IL1RAP: variants seen among roughly 807,000 people sequenced by gnomAD.
The protein encoded by IL1RAP is interleukin 1 receptor accessory protein.
Under a neutral mutation model 60.7 loss-of-function variants are expected in IL1RAP, and 35 were observed. That is an observed-to-expected ratio of 0.58 (90% CI 0.44 to 0.76). IL1RAP has a LOEUF of 0.76. Ranked by LOEUF, IL1RAP falls within the 30% of genes least tolerant of loss-of-function variation. IL1RAP has a pLI of 0.00. For synonymous variants in IL1RAP, 268 were observed against 250.9 expected (o/e 1.07, Z -0.64); for missense variants, 572 against 693.9 (o/e 0.82, Z 1.97).
chr3:190,612,954 A>G (rs1183879134), intron 5 of IL1RAP, among the ~76,000 whole-genome samples: 3 of 152,122 alleles, frequency 2.0e-5, no homozygotes, highest in African/African-American at 4.8e-5. Flanking sequence ...GCAATATGCC[A>G]GGGGGTTGAG....
intron 4 of IL1RAP, 95 bp from the exon 5 acceptor site, chr3:190,608,900 G>A (rs930153473): frequency 7.1e-5 from 63 of 882,890 alleles, no homozygotes; most frequent in Non-Finnish European, 1.0e-4. Flanking sequence ...TGATGTCTCC[G>A]TATGTAGCCT....
At chr3:190,522,324 TCCTTCCTTCCTTCCTTCCTCCCTC>T (rs1722113946) in intron 1 of IL1RAP, among the ~76,000 whole-genome samples, 2 of 123,116 alleles carry the variant, frequency 1.6e-5, no homozygotes, top group African/African-American at 9.5e-5. Context: ...CTTCCTTCCT[TCCTTCCTTCCTTCCTTCCTCCCTC>T]CCTCCCTTCG....
At chr3:190,630,848 C>G (rs187717862) in intron 9 of IL1RAP, among the ~76,000 whole-genome samples, 1 of 152,122 alleles carries the variant, frequency 6.6e-6, no homozygotes, top group Admixed American at 6.5e-5. Context: ...TCTCTCTGAG[C>G]CTTAATTTCC....
chr3:190,613,512 T>C (rs1281053329), intron 5 of IL1RAP, among the ~76,000 whole-genome samples: 1 of 152,186 alleles, frequency 6.6e-6, no homozygotes, highest in African/African-American at 2.4e-5. Flanking sequence ...TGCCATACTC[T>C]GGAGATACTA....
intron 3 of IL1RAP, among the ~76,000 whole-genome samples, chr3:190,584,856 T>C (rs1035223327): frequency 6.6e-6 from 1 of 152,204 alleles, no homozygotes; most frequent in African/African-American, 2.4e-5. Context: ...TATAGTCTCT[T>C]AGGTCTACTC....
chr3:190,551,962 A>G (rs1724904114), intron 1 of IL1RAP, among the ~76,000 whole-genome samples: 1 of 152,196 alleles, frequency 6.6e-6, no homozygotes, highest in Admixed American at 6.5e-5. Context: ...TTATTCACCA[A>G]AATATTTCCT....
intron 3 of IL1RAP, among the ~76,000 whole-genome samples, chr3:190,575,988 C>T (rs1050067754): frequency 3.3e-5 from 5 of 152,010 alleles, no homozygotes; most frequent in African/African-American, 7.3e-5. Flanking sequence ...CTGCAGCTGG[C>T]GGCTACCCAG....
intron 8 of IL1RAP, among the ~76,000 whole-genome samples, chr3:190,628,191 G>A (rs1431146984): frequency 6.6e-6 from 1 of 152,122 alleles, no homozygotes; most frequent in Non-Finnish European, 1.5e-5. Context: ...TGCAAATGAA[G>A]CATACCATTA....
intron 9 of IL1RAP, among the ~76,000 whole-genome samples, chr3:190,633,090 T>C (rs1732924132): frequency 6.7e-6 from 1 of 149,144 alleles, no homozygotes; most frequent in Admixed American, 6.7e-5. Flanking sequence ...ATATTTTTTT[T>C]CGTATAGATC....
intron 9 of IL1RAP, among the ~76,000 whole-genome samples, chr3:190,632,091 C>T (rs1282668436): frequency 6.6e-6 from 1 of 152,218 alleles, no homozygotes; most frequent in Non-Finnish European, 1.5e-5. Flanking sequence ...GTGTGAGCCA[C>T]CACGCCCAGC....
rs1430970697 is a variant in IL1RAP at position 190,644,282 on chromosome 3, T to C, written c.1086T>C (p.Cys362=). The C allele has an allele frequency of 1.2e-6, 2 of 1,613,690 alleles. No individual in the cohort carries two copies. Among genetic ancestry groups the C allele is most frequent in the Non-Finnish European group, 1.7e-6 (2 of 1,179,858 alleles). The part of the protein sequence containing the change: ...PAPRYTVELA[C]GFGATVLLVV... Reference sequence around the variant, plus strand: ...CAAGATACACAGTGGAACTGGCTTGTGGTTTTGGAGCCACAGTCCTGCTAG... The same window carrying C: ...CAAGATACACAGTGGAACTGGCTTGCGGTTTTGGAGCCACAGTCCTGCTAG... Residue 362 remains cysteine, a synonymous_variant, in exon 10 of 12, where the codon TGT becomes TGC. Coordinates refer to ENST00000447382, the MANE Select transcript of IL1RAP (RefSeq NM_002182.4).
At chr3:190,521,634 G>A (rs1039524768) in intron 1 of IL1RAP, among the ~76,000 whole-genome samples, 15 of 151,954 alleles carry the variant, frequency 9.9e-5, no homozygotes, top group Non-Finnish European at 2.1e-4. Flanking sequence ...CATTGGCCTC[G>A]GTGAGAATTA....
chr3:190,559,517 T>C (rs1725705824), intron 2 of IL1RAP, among the ~76,000 whole-genome samples: 1 of 152,202 alleles, frequency 6.6e-6, no homozygotes. Context: ...CCTTTAGTGC[T>C]ACAAATTATC....
In IL1RAP at chr3:190,620,302, A is replaced by G. The variant is rs750676408; in HGVS notation, c.565A>G (p.Asn189Asp). ...CTGTTATAAAATACAGAATTTTAAT[A>G]ATGTAATACCCGAAGGTATGAACTT... The part of the protein sequence containing the change: ...MGCYKIQNFN[N>D]VIPEGMNLSF... Residue 189 changes from asparagine to aspartate, a missense_variant, in exon 6 of 12, where the codon AAT becomes GAT. Transcript: ENST00000447382. 3 of 1,577,802 alleles carry G rather than the reference A, an allele frequency of 1.9e-6. No individual in the cohort carries two copies. The South Asian group carries it at 3.5e-5, about 18-fold the overall frequency.
chr3:190,623,721 G>T (rs544282836), intron 7 of IL1RAP, among the ~76,000 whole-genome samples: 1 of 152,292 alleles, frequency 6.6e-6, no homozygotes, highest in African/African-American at 2.4e-5. Flanking sequence ...GTTTGCCAAG[G>T]CTGCAACATG....
chr3:190,650,156 C>T lies in IL1RAP; in HGVS notation c.*1451C>T, dbSNP rs75526549. 55 of 984,326 alleles carry T rather than the reference C, an allele frequency of 5.6e-5. No homozygotes were observed. In the East Asian group the frequency reaches 5.5e-3, roughly 98 times the overall value. 61.0% of individuals were successfully genotyped at this position (984,326 alleles called of 1,614,324 possible). ...ATTAAAAACCACTGGAACTCTTGTCCAGTTTTTAAATTATGTTTTTACTGG... is the reference window on the plus strand; with the variant it reads ...ATTAAAAACCACTGGAACTCTTGTCTAGTTTTTAAATTATGTTTTTACTGG... On this transcript the variant is annotated 3_prime_UTR_variant, in exon 12 of 12. Coordinates refer to ENST00000447382, the MANE Select transcript of IL1RAP (RefSeq NM_002182.4).
chr3:190,526,836 C>T (rs1003576917), intron 1 of IL1RAP, among the ~76,000 whole-genome samples: 2 of 152,182 alleles, frequency 1.3e-5, no homozygotes, highest in African/African-American at 4.8e-5. Flanking sequence ...AAAATCAAAG[C>T]CAAAGATTCA....
intron 4 of IL1RAP, among the ~76,000 whole-genome samples, chr3:190,607,548 C>T (rs2108760295): frequency 6.6e-6 from 1 of 152,160 alleles, no homozygotes; most frequent in Non-Finnish European, 1.5e-5. Context: ...AAGGAAATGT[C>T]CAAGGTGCTC....
rs558876418 is a variant in IL1RAP, at chr3:190,562,197, C to G, written c.-1-2092C>G. 7.2e-5 allele frequency among the ~76,000 whole-genome samples: 11 copies of G among 152,256 alleles called. No individual in the cohort carries two copies. In the South Asian group the frequency reaches 2.3e-3, roughly 32 times the overall value. On this transcript the variant is annotated intron_variant, in intron 2 of 11. Coordinates refer to ENST00000447382, the MANE Select transcript of IL1RAP (RefSeq NM_002182.4). Reference sequence around the variant, plus strand: ...TATTCTCCACTGAAAGTTTCTTTTTCTCACATGTTCCTTCTGTCTCAAGTC... The same window carrying G: ...TATTCTCCACTGAAAGTTTCTTTTTGTCACATGTTCCTTCTGTCTCAAGTC...
Sources: allele counts gnomAD v4.1 joint callset (sites outside exome capture counted in the v4.1 genomes callset), GRCh38; gene constraint gnomAD v4.1.1; transcripts MANE v1.5; gene names NCBI Gene and HGNC (gene_info 2026-07-23, HGNC 2026-07-21).